MEOX2: variants seen among roughly 807,000 people sequenced by gnomAD.
MEOX2 encodes homeobox protein MOX-2.
Under a neutral mutation model 27.0 loss-of-function variants are expected in MEOX2, and 11 were observed. The observed-to-expected ratio is 0.41, with a 90% CI of 0.26 to 0.68. The LOEUF (loss-of-function observed/expected upper bound fraction) is 0.68, where lower values mean the gene tolerates loss of function less well. MEOX2 is among the 30% of genes least tolerant of loss of function. The probability of loss-of-function intolerance (pLI) is 0.33; values close to 1 mark genes in which losing one functional copy is unlikely to be tolerated. For synonymous variants in MEOX2, 189 were observed against 155.4 expected (o/e 1.22, Z -1.61); for missense variants, 436 against 385.4 (o/e 1.13, Z -1.10).
chr7:15,615,048 T>C (rs1011971569), intron 2 of MEOX2, among the ~76,000 whole-genome samples: 4 of 151,944 alleles, frequency 2.6e-5, no homozygotes, highest in Non-Finnish European at 5.9e-5. Flanking sequence ...TAAGAAAAAA[T>C]AGTACAAAAA....
At chr7:15,663,922 T>G (rs922383203) in intron 1 of MEOX2, among the ~76,000 whole-genome samples, 3 of 152,176 alleles carry the variant, frequency 2.0e-5, no homozygotes, top group Admixed American at 1.3e-4. Context: ...TGTTTGAAAA[T>G]GTATAGATAG....
chr7:15,631,906 A>ATGTGTG lies in MEOX2; in HGVS notation c.518-4994_518-4989dup, dbSNP rs146116757. Among the ~76,000 whole-genome samples, 350 of 129,424 alleles carry ATGTGTG rather than the reference A, an allele frequency of 2.7e-3. 6 individuals carry two copies. Among genetic ancestry groups the ATGTGTG allele is most frequent in the East Asian group, 6.8e-3 (31 of 4,584 alleles). The allele number at this position is 129,424 out of a possible 152,430, so 84.9% of individuals were successfully genotyped here. ...AAAGAGCAAGTTAAGCCAAGGTTAAATGTGTGTGTGTGTGTGTGTGTGTGT... is the reference window on the plus strand; with the variant it reads ...AAAGAGCAAGTTAAGCCAAGGTTAAATGTGTGTGTGTGTGTGTGTGTGTGTGTGTGT... On this transcript the variant is annotated intron_variant, in intron 1 of 2. Transcript: ENST00000262041.
At chr7:15,626,670 A>G in intron 2 of MEOX2, 76 bp downstream of exon 2, 2 of 1,065,612 alleles carry the variant, frequency 1.9e-6, no homozygotes, top group Middle Eastern at 2.2e-4. Flanking sequence ...GGATCTAGGT[A>G]TTTCAAATAT....
intron 2 of MEOX2, 74 bp from the exon 3 acceptor site, chr7:15,612,685 C>G (rs1781051934): frequency 7.8e-7 from 1 of 1,288,836 alleles, no homozygotes; most frequent in Non-Finnish European, 1.1e-6. Flanking sequence ...TCCTTAGTGT[C>G]ATCAATGAAA....
At chr7:15,681,357 G>A (rs1782289091) in intron 1 of MEOX2, 1 of 151,590 alleles carries the variant, frequency 6.6e-6, no homozygotes, top group South Asian at 2.1e-4. Flanking sequence ...AACACTAAAT[G>A]AATAAAATTT....
chr7:15,627,944 G>A (rs190867731), intron 1 of MEOX2, among the ~76,000 whole-genome samples: 231 of 151,830 alleles, frequency 1.5e-3, no homozygotes, highest in Middle Eastern at 6.8e-3. Context: ...AATTATTTCT[G>A]GTATCTAATT....
intron 1 of MEOX2, among the ~76,000 whole-genome samples, chr7:15,669,605 C>A (rs1782064888): frequency 6.6e-6 from 1 of 152,190 alleles, no homozygotes; most frequent in Non-Finnish European, 1.5e-5. Flanking sequence ...ACTCTGCAGT[C>A]GTGGCAGCTG....
At chr7:15,642,413 G>A (rs114656707) in intron 1 of MEOX2, among the ~76,000 whole-genome samples, 1 of 152,056 alleles carries the variant, frequency 6.6e-6, no homozygotes, top group African/African-American at 2.4e-5. Flanking sequence ...CTACTGCTAA[G>A]TTTGCCACAG....
chr7:15,685,956 G>A lies in MEOX2; in HGVS notation c.447C>T (p.Tyr149=), dbSNP rs376342964. 29 of 1,611,044 alleles carry A rather than the reference G, an allele frequency of 1.8e-5. No individual in the cohort carries two copies. The African/African-American group carries it at 3.2e-4, about 18-fold the overall frequency. The change falls in exon 1 of 3, where the codon TAC becomes TAT. Residue 149 remains tyrosine, a synonymous_variant. Transcript: ENST00000262041. The part of the protein sequence containing the change: ...PTGAACAPGD[Y]GRQALSPAEA... ...CCGCAGGTGACAGTGCCTGGCGGCCGTAGTCCCCCGGCGCGCACGCGGCCC... is the reference window on the plus strand; with the variant it reads ...CCGCAGGTGACAGTGCCTGGCGGCCATAGTCCCCCGGCGCGCACGCGGCCC...
chr7:15,654,758 T>A (rs1228651881), intron 1 of MEOX2, among the ~76,000 whole-genome samples: 2 of 151,716 alleles, frequency 1.3e-5, no homozygotes, highest in East Asian at 3.9e-4. Context: ...TCATAGTATA[T>A]AATTATTTTT....
chr7:15,673,375 G>A lies in MEOX2; in HGVS notation c.517+12511C>T, dbSNP rs565767693. 6.6e-5 allele frequency among the ~76,000 whole-genome samples: 10 copies of A among 151,922 alleles called. No homozygotes were observed. The South Asian group carries it at 2.1e-3, about 32-fold the overall frequency. Reference sequence around the variant, plus strand: ...CCATCCACATTTTAATGAAAATGATGCATATAGATTGGGAAAATATATTAC... The same window carrying A: ...CCATCCACATTTTAATGAAAATGATACATATAGATTGGGAAAATATATTAC... On this transcript the variant is annotated intron_variant, in intron 1 of 2. Transcript: ENST00000262041.
chr7:15,622,910 A>T (rs1781242975), intron 2 of MEOX2, among the ~76,000 whole-genome samples: 1 of 152,196 alleles, frequency 6.6e-6, no homozygotes, highest in African/African-American at 2.4e-5. Context: ...AGAGCTACCT[A>T]GCCTCTTCAG....
At chr7:15,678,441 A>G (rs565359017) in intron 1 of MEOX2, among the ~76,000 whole-genome samples, 31 of 152,310 alleles carry the variant, frequency 2.0e-4, no homozygotes, top group African/African-American at 5.5e-4. Flanking sequence ...TTTTCTGAAT[A>G]GTTTCCTGTT....
chr7:15,614,058 TC>T (rs61687630), intron 2 of MEOX2, among the ~76,000 whole-genome samples: 5,782 of 151,368 alleles, frequency 0.038, 176 homozygotes, highest in Middle Eastern at 0.096. Flanking sequence ...ATCTATTGTT[TC>T]TTTTATGACT....
At chr7:15,664,316 C>A (rs17336916) in intron 1 of MEOX2, among the ~76,000 whole-genome samples, 8,727 of 152,248 alleles carry the variant, frequency 0.057, 314 homozygotes, top group Middle Eastern at 0.085. Flanking sequence ...GTTGTTGTGG[C>A]ATTTGGCTTC....
At chr7:15,645,007 G>A (rs962658897) in intron 1 of MEOX2, among the ~76,000 whole-genome samples, 5 of 152,126 alleles carry the variant, frequency 3.3e-5, no homozygotes, top group Non-Finnish European at 7.4e-5. Flanking sequence ...GTATTCAGAA[G>A]CTGTCATAAA....
chr7:15,668,268 G>C (rs1250502896), intron 1 of MEOX2: 3 of 152,156 alleles, frequency 2.0e-5, no homozygotes, highest in Non-Finnish European at 4.4e-5. Context: ...TGAAGCCCTT[G>C]ATGATGATCC....
intron 1 of MEOX2, among the ~76,000 whole-genome samples, chr7:15,631,207 A>G (rs1440340837): frequency 6.6e-6 from 1 of 151,450 alleles, no homozygotes; most frequent in Admixed American, 6.6e-5. Context: ...TATAATTATT[A>G]TTGTGATAGT....
chr7:15,646,551 G>C (rs1239842019), intron 1 of MEOX2, among the ~76,000 whole-genome samples: 5 of 151,974 alleles, frequency 3.3e-5, no homozygotes, highest in Admixed American at 6.6e-5. Context: ...AATATTAGTT[G>C]TTTGATTATA....
Sources: gnomAD v4.1 joint callset for allele counts (sites outside exome capture counted in the v4.1 genomes callset) on GRCh38, gnomAD v4.1.1 for gene constraint, MANE v1.5 for transcripts, NCBI Gene and HGNC (gene_info 2026-07-23, HGNC 2026-07-21) for gene names.